Variants in ZFYVE9 observed in about 807,000 individuals in gnomAD.
ZFYVE9 encodes zinc finger FYVE-type containing 9, also known as zinc finger FYVE domain-containing protein 9.
In ZFYVE9, 43 loss-of-function variants were observed where a neutral mutation model predicts 126.7. The observed-to-expected ratio is 0.34, with a 90% confidence interval of 0.27 to 0.44. ZFYVE9 has a LOEUF of 0.44. Ranked by LOEUF, ZFYVE9 falls within the 20% of genes least tolerant of loss-of-function variation. ZFYVE9 has a pLI of 1.00. For synonymous variants in ZFYVE9, 521 were observed against 597.4 expected (o/e 0.87, Z 1.87); for missense variants, 1,476 against 1,697.0 (o/e 0.87, Z 2.29).
intron 1 of ZFYVE9, among the ~76,000 whole-genome samples, chr1:52,200,641 A>T (rs1420404187): frequency 6.6e-6 from 1 of 152,106 alleles, no homozygotes; most frequent in Non-Finnish European, 1.5e-5. Flanking sequence ...TGTGTTTTAT[A>T]TTTAGTTTTC....
At chr1:52,170,041 A>G (rs920833244) in intron 1 of ZFYVE9, among the ~76,000 whole-genome samples, 2 of 152,160 alleles carry the variant, frequency 1.3e-5, no homozygotes, top group Admixed American at 1.3e-4. Context: ...ATTTTGAAAA[A>G]TTTTATTGCT....
rs1646483193 is a variant in ZFYVE9, at chr1:52,346,260, C to T, written c.*39C>T. On this transcript the variant is annotated 3_prime_UTR_variant, in exon 19 of 19. Coordinates refer to ENST00000287727, the MANE Select transcript of ZFYVE9 (RefSeq NM_004799.4). ...CATTTTTTTCTGTTCAGACTTGTTG[C>T]AACAGCAGTCATACCCAAATCATTT... The T allele has an allele frequency of 6.9e-7, 1 of 1,457,936 alleles. No individual in the cohort carries two copies. The highest frequency in any genetic ancestry group is 9.2e-7 in the Non-Finnish European group (1 of 1,087,322). The allele number at this position is 1,457,936 out of a possible 1,614,324, so 90.3% of individuals were successfully genotyped here.
intron 1 of ZFYVE9, among the ~76,000 whole-genome samples, chr1:52,185,043 G>A (rs962131764): frequency 1.3e-5 from 2 of 152,264 alleles, no homozygotes; most frequent in Admixed American, 6.5e-5. Flanking sequence ...GTCTGATGAC[G>A]TACAACATTT....
In ZFYVE9 at chr1:52,332,755, T is replaced by C; in HGVS notation, c.3439-13T>C. The stretch of plus-strand genomic sequence containing the variant: ...CCATTCTTGTCAGAATAAGGTTATC[T>C]CTTTGATTGCAGATGATGAAAGCCA... On this transcript the variant is annotated splice_polypyrimidine_tract_variant and intron_variant, in intron 13 of 18. Transcript: ENST00000287727. 2 of 1,611,930 alleles carry C rather than the reference T, an allele frequency of 1.2e-6. No individual in the cohort carries two copies. Among genetic ancestry groups the C allele is most frequent in the Non-Finnish European group, 1.7e-6 (2 of 1,178,990 alleles).
intron 4 of ZFYVE9, among the ~76,000 whole-genome samples, chr1:52,239,971 A>G (rs1645317362): frequency 6.6e-6 from 1 of 152,224 alleles, no homozygotes; most frequent in Non-Finnish European, 1.5e-5. Context: ...TGAAAAATGC[A>G]TTTAAATACA....
Position 52,233,272 on chromosome 1 carries a change from C to T in ZFYVE9, c.66C>T (p.Asn22=), listed in dbSNP as rs745562224. ...LDKVLDEFEQ[N]EDETVSSTLL... The stretch of plus-strand genomic sequence containing the variant: ...AGGTGTTAGATGAATTTGAACAAAA[C>T]GAAGGTGAGAATTTATATTGGTGAA... Residue 22 remains asparagine (N), a synonymous_variant, in exon 3 of 19, where the codon AAC becomes AAT. Coordinates refer to ENST00000287727, the MANE Select transcript of ZFYVE9 (RefSeq NM_004799.4). The T allele has an allele frequency of 7.6e-6, 12 of 1,575,260 alleles. No homozygotes were observed. The highest frequency in any genetic ancestry group is 1.7e-5 in the Admixed American group (1 of 58,200).
intron 1 of ZFYVE9, among the ~76,000 whole-genome samples, chr1:52,200,159 G>A (rs1396219279): frequency 1.3e-5 from 2 of 151,372 alleles, no homozygotes; most frequent in Admixed American, 6.6e-5. Flanking sequence ...AGTGTCATTT[G>A]CAGAGCAGAA....
At chr1:52,167,075 G>A (rs1644520935) in intron 1 of ZFYVE9, among the ~76,000 whole-genome samples, 1 of 152,158 alleles carries the variant, frequency 6.6e-6, no homozygotes, top group South Asian at 2.1e-4. Context: ...AAAAAGAAAT[G>A]TCTGCTTCAT....
rs559819785 is a variant in ZFYVE9, at chr1:52,244,758, G to T, written c.2178+5163G>T. Reference sequence around the variant, plus strand: ...GATGAAATTGTTATATTATCTTTGCGATACAAGCATTTTAGTTTGGAGAAG... The same window carrying T: ...GATGAAATTGTTATATTATCTTTGCTATACAAGCATTTTAGTTTGGAGAAG... On this transcript the variant is annotated intron_variant, in intron 4 of 18. Coordinates refer to ENST00000287727, the MANE Select transcript of ZFYVE9 (RefSeq NM_004799.4). 2.0e-5 allele frequency among the ~76,000 whole-genome samples: 3 copies of T among 152,228 alleles called. No individual in the cohort carries two copies. In the East Asian group the frequency reaches 5.8e-4, roughly 29 times the overall value.
chr1:52,331,427 A>G (rs1256274149), intron 13 of ZFYVE9, among the ~76,000 whole-genome samples: 1 of 151,122 alleles, frequency 6.6e-6, no homozygotes, highest in African/African-American at 2.4e-5. Flanking sequence ...CAGCCTGGAC[A>G]ACATAGTGAG....
chr1:52,288,941 A>AAG (rs1553132719), intron 10 of ZFYVE9, among the ~76,000 whole-genome samples: 3 of 140,582 alleles, frequency 2.1e-5, no homozygotes, highest in African/African-American at 9.2e-5. Flanking sequence ...AAAAAAAAAA[A>AAG]AAAAAGAAAA....
intron 1 of ZFYVE9, among the ~76,000 whole-genome samples, chr1:52,156,196 A>G (rs1644401770): frequency 1.3e-5 from 2 of 152,252 alleles, no homozygotes; most frequent in Admixed American, 1.3e-4. Flanking sequence ...TGATTAGGAT[A>G]GAAAGGAACT....
intron 1 of ZFYVE9, among the ~76,000 whole-genome samples, chr1:52,212,896 G>A (rs1477381088): frequency 6.6e-6 from 1 of 152,204 alleles, no homozygotes; most frequent in African/African-American, 2.4e-5. Context: ...CACATTGGGA[G>A]ATGACATTTG....
At chr1:52,251,041 G>T (rs1289701368) in intron 4 of ZFYVE9, among the ~76,000 whole-genome samples, 1 of 142,622 alleles carries the variant, frequency 7.0e-6, no homozygotes, top group African/African-American at 2.5e-5. Flanking sequence ...TGTTGTTGTT[G>T]TTGTTGTTGT....
At chr1:52,292,885 GACAA>G (rs1645936344) in intron 10 of ZFYVE9, among the ~76,000 whole-genome samples, 1 of 152,072 alleles carries the variant, frequency 6.6e-6, no homozygotes, top group African/African-American at 2.4e-5. Context: ...CTTTTACTTA[GACAA>G]ACTTCAACAA....
chr1:52,333,761 G>A (rs1476524103), intron 14 of ZFYVE9, among the ~76,000 whole-genome samples: 2 of 149,170 alleles, frequency 1.3e-5, no homozygotes, highest in African/African-American at 5.0e-5. Flanking sequence ...TTCAAGACAA[G>A]CCTGGGCAAC....
At chr1:52,214,669 G>GGT (rs58141384) in intron 1 of ZFYVE9, among the ~76,000 whole-genome samples, 2,204 of 151,620 alleles carry the variant, frequency 0.015, 45 homozygotes, top group African/African-American at 0.049. Flanking sequence ...TATATGGAGG[G>GGT]GTGTGTGTGT....
At chr1:52,337,003 CA>C in intron 15 of ZFYVE9, among the ~76,000 whole-genome samples, 1 of 145,630 alleles carries the variant, frequency 6.9e-6, no homozygotes. Flanking sequence ...CTTACCAATT[CA>C]AAGCAGTGTG....
At position 52,276,331 on chromosome 1, in the gene ZFYVE9, A is replaced by T. The variant is rs548389945; in HGVS notation, c.2746+1747A>T. Reference sequence around the variant, plus strand: ...ATTATTTGCTATTTTTTGAATATTTACTTTTCATTCTTCTGTACTTTTTCT... The same window carrying T: ...ATTATTTGCTATTTTTTGAATATTTTCTTTTCATTCTTCTGTACTTTTTCT... On this transcript the variant is annotated intron_variant, in intron 8 of 18. Coordinates refer to ENST00000287727, the MANE Select transcript of ZFYVE9 (RefSeq NM_004799.4). Among the ~76,000 whole-genome samples, 5 of 152,220 alleles carry T rather than the reference A, an allele frequency of 3.3e-5. No individual in the cohort carries two copies. The South Asian group carries it at 1.0e-3, about 32-fold the overall frequency.
Sources: allele counts gnomAD v4.1 joint callset (sites outside exome capture counted in the v4.1 genomes callset), GRCh38; gene constraint gnomAD v4.1.1; transcripts MANE v1.5; gene names NCBI Gene and HGNC (gene_info 2026-07-23, HGNC 2026-07-21).